CYP4F22: variants seen among roughly 807,000 people sequenced by gnomAD.
CYP4F22 encodes the protein ultra-long-chain fatty acid omega-hydroxylase.
In CYP4F22, 37 loss-of-function variants were observed where a neutral mutation model predicts 60.4. The ratio of observed to expected loss-of-function variants is 0.61; its 90% CI spans 0.47 to 0.81. CYP4F22 has a LOEUF of 0.81. Among genes scored for constraint, CYP4F22 ranks in the 30% least tolerant of loss-of-function variants. The pLI, the probability that CYP4F22 is intolerant of heterozygous loss-of-function variation, is 0.00. For synonymous variants in CYP4F22, 258 were observed against 280.5 expected (o/e 0.92, Z 0.80); for missense variants, 655 against 715.0 (o/e 0.92, Z 0.96).
chr19:15,514,637 C>G (rs563406585), intron 1 of CYP4F22, among the ~76,000 whole-genome samples: 6 of 151,960 alleles, frequency 3.9e-5, no homozygotes, highest in African/African-American at 1.4e-4. Context: ...TGCCGTTGCA[C>G]TCCAGCCTGG....
At chr19:15,512,870 A>G (rs1157921288) in intron 1 of CYP4F22, among the ~76,000 whole-genome samples, 1 of 152,080 alleles carries the variant, frequency 6.6e-6, no homozygotes, top group African/African-American at 2.4e-5. Context: ...TGCTCATGGT[A>G]TAGGAAACCA....
At chr19:15,538,091 T>G (rs1349179822) in intron 7 of CYP4F22, 98 bp downstream of exon 7, 44 of 1,548,076 alleles carry the variant, frequency 2.8e-5, no homozygotes, top group Non-Finnish European at 1.2e-5. Context: ...AACTCTGGCC[T>G]ATGGGAGCTC....
Position 15,540,622 on chromosome 19 carries a change from C to CT in CYP4F22, c.844_845insT (p.Arg282LeufsTer15). On this transcript the variant is annotated frameshift_variant, in exon 8 of 14. Transcript: ENST00000269703. LOFTEE classifies it high-confidence loss of function. Reference sequence around the variant, plus strand: ...CTTCACCACTGAAGTCATCCAGGAACGGCGGCGGGCACTGCGTCAGCAGGG... The same window carrying CT: ...CTTCACCACTGAAGTCATCCAGGAACTGGCGGCGGGCACTGCGTCAGCAGGG... The CT allele has an allele frequency of 6.2e-7, 1 of 1,614,244 alleles. No homozygotes were observed. The highest frequency in any genetic ancestry group is 1.1e-5 in the South Asian group (1 of 91,086).
In CYP4F22 at chr19:15,515,699, C is replaced by G. The variant is rs575235429; in HGVS notation, c.-109+7116C>G. Reference sequence around the variant, plus strand: ...TGAGATAGCACCACTGTACTCCAGCCTGGGCAACAGAGCGAGACTCTGTCT... The same window carrying G: ...TGAGATAGCACCACTGTACTCCAGCGTGGGCAACAGAGCGAGACTCTGTCT... On this transcript the variant is annotated intron_variant, in intron 1 of 13. Transcript: ENST00000269703. Among the ~76,000 whole-genome samples, 326 of 152,004 alleles carry G rather than the reference C, an allele frequency of 2.1e-3. 3 individuals are homozygous for G. The highest frequency in any genetic ancestry group is 3.2e-3 in the Non-Finnish European group (216 of 67,972).
At chr19:15,542,283 G>C (rs1211786063) in intron 8 of CYP4F22, among the ~76,000 whole-genome samples, 1 of 152,032 alleles carries the variant, frequency 6.6e-6, no homozygotes, top group Non-Finnish European at 1.5e-5. Flanking sequence ...TGTAATCCCA[G>C]CACTTTGGGA....
intron 4 of CYP4F22, among the ~76,000 whole-genome samples, chr19:15,536,332 C>T (rs1353492997): frequency 6.6e-6 from 1 of 152,014 alleles, no homozygotes; most frequent in Non-Finnish European, 1.5e-5. Context: ...AGTGAGACCC[C>T]ATCTCAAAAA....
At chr19:15,546,039 A>G (rs534570355) in intron 10 of CYP4F22, among the ~76,000 whole-genome samples, 1 of 152,144 alleles carries the variant, frequency 6.6e-6, no homozygotes, top group Non-Finnish European at 1.5e-5. Context: ...CAGTGGCATA[A>G]TCATAGCTCA....
intron 1 of CYP4F22, among the ~76,000 whole-genome samples, chr19:15,513,336 C>T (rs1971114026): frequency 1.4e-5 from 2 of 144,476 alleles, no homozygotes; most frequent in African/African-American, 5.2e-5. Flanking sequence ...CTGCCACGCC[C>T]TGCTAATTTT....
intron 4 of CYP4F22, among the ~76,000 whole-genome samples, chr19:15,537,108 G>C (rs1346712790): frequency 1.3e-5 from 2 of 152,114 alleles, no homozygotes; most frequent in Non-Finnish European, 2.9e-5. Context: ...AGACCAGCCT[G>C]GCCAACATGG....
chr19:15,513,523 C>T (rs1971119001), intron 1 of CYP4F22, among the ~76,000 whole-genome samples: 1 of 151,932 alleles, frequency 6.6e-6, no homozygotes, highest in Non-Finnish European at 1.5e-5. Flanking sequence ...CGCCACCTCG[C>T]CCGGCTAATT....
rs145303381 is a variant in CYP4F22, at chr19:15,542,979, T to C, written c.940-992T>C. Among the ~76,000 whole-genome samples the C allele has an allele frequency of 1.7e-3, 254 of 152,324 alleles. 8 individuals carry two copies. In the East Asian group the frequency reaches 0.046, roughly 28 times the overall value. ...TTGATGGGCATTTGGGTTGATTCCATGTCTTTGTTATTGTCAATAGTGCTG... is the reference window on the plus strand; with the variant it reads ...TTGATGGGCATTTGGGTTGATTCCACGTCTTTGTTATTGTCAATAGTGCTG... On this transcript the variant is annotated intron_variant, in intron 8 of 13. Coordinates refer to ENST00000269703, the MANE Select transcript of CYP4F22 (RefSeq NM_173483.4).
intron 4 of CYP4F22, among the ~76,000 whole-genome samples, chr19:15,533,669 C>T (rs1311560507): frequency 2.2e-5 from 3 of 134,172 alleles, no homozygotes; most frequent in South Asian, 4.9e-4. Flanking sequence ...GTAGCCATAA[C>T]TCATTACAGC....
chr19:15,530,303 T>C (rs1249289165), intron 4 of CYP4F22, among the ~76,000 whole-genome samples: 1 of 152,140 alleles, frequency 6.6e-6, no homozygotes, highest in Non-Finnish European at 1.5e-5. Flanking sequence ...CCTCGTGCAG[T>C]CCACACCTAT....
chr19:15,528,136 C>G (rs1378358068), intron 3 of CYP4F22, among the ~76,000 whole-genome samples: 1 of 152,140 alleles, frequency 6.6e-6, no homozygotes, highest in African/African-American at 2.4e-5. Context: ...GGGGCTGTCT[C>G]TGGTGGCTGG....
chr19:15,547,473 A>T (rs1430124076), intron 10 of CYP4F22, among the ~76,000 whole-genome samples: 1 of 152,168 alleles, frequency 6.6e-6, no homozygotes, highest in Admixed American at 6.5e-5. Context: ...GGCCCAGCAG[A>T]GGGCCCAGTG....
At chr19:15,545,027 C>T (rs4809202) in intron 10 of CYP4F22, among the ~76,000 whole-genome samples, 104,236 of 151,588 alleles carry the variant, frequency 0.69, 36,436 homozygotes, top group East Asian at 0.89. Context: ...CACCACTGCA[C>T]TCCAGCCTGG....
chr19:15,509,854 C>CCCCT (rs1555725957), intron 1 of CYP4F22, among the ~76,000 whole-genome samples: 2 of 110,004 alleles, frequency 1.8e-5, no homozygotes, highest in African/African-American at 6.8e-5. Context: ...GGACCCATCT[C>CCCCT]TCCTTCCTTC....
At chr19:15,541,050 C>T (rs935910962) in intron 8 of CYP4F22, among the ~76,000 whole-genome samples, 2 of 152,224 alleles carry the variant, frequency 1.3e-5, no homozygotes, top group South Asian at 2.1e-4. Flanking sequence ...CACTGCACTC[C>T]AGCCTGGGCA....
At chr19:15,538,931 C>T (rs919468408) in intron 7 of CYP4F22, among the ~76,000 whole-genome samples, 3 of 152,148 alleles carry the variant, frequency 2.0e-5, no homozygotes, top group Admixed American at 6.6e-5. Context: ...AACAAGAAAA[C>T]GACAGACTGC....
Sources: gnomAD v4.1 joint callset for allele counts (sites outside exome capture counted in the v4.1 genomes callset) on GRCh38, gnomAD v4.1.1 for gene constraint, MANE v1.5 for transcripts, NCBI Gene and HGNC (gene_info 2026-07-23, HGNC 2026-07-21) for gene names.